MDGA2: variants seen among roughly 807,000 people sequenced by gnomAD.
MDGA2 encodes the protein MAM domain-containing glycosylphosphatidylinositol anchor protein 2.
A neutral mutation model predicts 117.8 loss-of-function variants in MDGA2; 40 were observed. The observed-to-expected ratio is 0.34, with a 90% CI of 0.26 to 0.44. The LOEUF (loss-of-function observed/expected upper bound fraction) is 0.44, where lower values mean the gene tolerates loss of function less well. Ranked by LOEUF, MDGA2 falls within the 20% of genes least tolerant of loss-of-function variation. The pLI is 1.00. For synonymous variants in MDGA2, 452 were observed against 439.0 expected, an observed-to-expected ratio of 1.03 and a Z score of -0.37; for missense variants, 1,123 against 1,250.6, an observed-to-expected ratio of 0.90 and a Z score of 1.54.
chr14:46,958,747 T>C (rs1367639528), intron 8 of MDGA2, among the ~76,000 whole-genome samples: 1 of 152,242 alleles, frequency 6.6e-6, no homozygotes, highest in Admixed American at 6.5e-5. Flanking sequence ...TCCAAACATA[T>C]GGGTAATGTT....
At chr14:47,445,246 T>G (rs1004619464) in intron 1 of MDGA2, among the ~76,000 whole-genome samples, 2 of 152,094 alleles carry the variant, frequency 1.3e-5, no homozygotes, top group African/African-American at 4.8e-5. Flanking sequence ...AGATCAATGT[T>G]GACTATGAGG....
intron 1 of MDGA2, among the ~76,000 whole-genome samples, chr14:47,434,969 G>C (rs34143015): frequency 0.25 from 37,828 of 151,844 alleles, 5,016 homozygotes; most frequent in Middle Eastern, 0.4. Context: ...AAACCTGTCT[G>C]TACTAAAAAT....
chr14:47,474,027 G>C (rs1893784283), intron 1 of MDGA2, among the ~76,000 whole-genome samples: 2 of 152,168 alleles, frequency 1.3e-5, no homozygotes, highest in Non-Finnish European at 2.9e-5. Flanking sequence ...AATAGGAAGA[G>C]AGGAAGTCAA....
At chr14:47,151,318 G>C (rs1883154646) in intron 3 of MDGA2, among the ~76,000 whole-genome samples, 1 of 152,198 alleles carries the variant, frequency 6.6e-6, no homozygotes, top group African/African-American at 2.4e-5. Flanking sequence ...TTCCCACAGT[G>C]AGGTGGCTCT....
In MDGA2 at chr14:47,675,125, T is replaced by C. The variant is rs1363840117; in HGVS notation, c.-329A>G. Among the ~76,000 whole-genome samples, 1 of 151,874 alleles carries C rather than the reference T, an allele frequency of 6.6e-6. No homozygotes were observed. The highest frequency in any genetic ancestry group is 1.5e-5 in the Non-Finnish European group (1 of 67,936). Reference sequence around the variant, plus strand: ...ACCCAGGACACCGAGCAGGGCTCTCTTGCCTGGATTCGCCTTTACAAAGTA... The same window carrying C: ...ACCCAGGACACCGAGCAGGGCTCTCCTGCCTGGATTCGCCTTTACAAAGTA... On this transcript the variant is annotated 5_prime_UTR_variant, in exon 1 of 17. Coordinates refer to ENST00000399232, the MANE Select transcript of MDGA2 (RefSeq NM_001113498.3).
intron 7 of MDGA2, among the ~76,000 whole-genome samples, chr14:47,054,157 C>G (rs1889578794): frequency 6.6e-6 from 1 of 151,946 alleles, no homozygotes; most frequent in Non-Finnish European, 1.5e-5. Flanking sequence ...TGGTACCCTT[C>G]ACACACAATC....
chr14:47,402,005 T>C (rs1892158833), intron 1 of MDGA2, among the ~76,000 whole-genome samples: 2 of 152,208 alleles, frequency 1.3e-5, no homozygotes, highest in East Asian at 1.9e-4. Flanking sequence ...CAATTCCATT[T>C]TGTGGTCAAA....
chr14:47,627,877 C>T (rs768933892), intron 1 of MDGA2, among the ~76,000 whole-genome samples: 2 of 152,166 alleles, frequency 1.3e-5, no homozygotes, highest in South Asian at 2.1e-4. Flanking sequence ...AGCAAGACCA[C>T]GAACCCACCA....
intron 1 of MDGA2, among the ~76,000 whole-genome samples, chr14:47,549,455 T>C (rs1367252679): frequency 6.6e-6 from 1 of 151,818 alleles, no homozygotes; most frequent in Admixed American, 6.6e-5. Flanking sequence ...CCAGAGTCAA[T>C]GGTTTCTCTT....
At chr14:47,208,463 C>A (rs17572886) in intron 3 of MDGA2, among the ~76,000 whole-genome samples, 1 of 151,606 alleles carries the variant, frequency 6.6e-6, no homozygotes, top group South Asian at 2.1e-4. Context: ...AACATCCTCC[C>A]TTTTTTATAT....
At chr14:47,582,203 G>C (rs1257267809) in intron 1 of MDGA2, among the ~76,000 whole-genome samples, 1 of 151,784 alleles carries the variant, frequency 6.6e-6, no homozygotes, top group African/African-American at 2.4e-5. Context: ...TGCTCTTAAA[G>C]GTCTAAGTAG....
chr14:47,411,555 G>A (rs570887972), intron 1 of MDGA2, among the ~76,000 whole-genome samples: 3 of 151,976 alleles, frequency 2.0e-5, no homozygotes, highest in Non-Finnish European at 4.4e-5. Flanking sequence ...GGATCATAAC[G>A]GTTGGCCTTG....
intron 1 of MDGA2, among the ~76,000 whole-genome samples, chr14:47,319,700 CTT>C (rs1030429554): frequency 5.9e-5 from 9 of 152,174 alleles, no homozygotes; most frequent in African/African-American, 2.2e-4. Context: ...TACCTTGAAT[CTT>C]TTGTTTGTTT....
intron 1 of MDGA2, among the ~76,000 whole-genome samples, chr14:47,546,853 T>C (rs1394058229): frequency 6.6e-6 from 1 of 152,184 alleles, no homozygotes; most frequent in African/African-American, 2.4e-5. Flanking sequence ...GTCAGGGAGT[T>C]AAATCTTGTT....
At chr14:47,623,830 AG>A (rs1897094035) in intron 1 of MDGA2, among the ~76,000 whole-genome samples, 1 of 152,244 alleles carries the variant, frequency 6.6e-6, no homozygotes, top group Admixed American at 6.5e-5. Context: ...CAATCTATGC[AG>A]AAAAGTCAGA....
intron 1 of MDGA2, among the ~76,000 whole-genome samples, chr14:47,361,665 T>C (rs900820595): frequency 3.9e-5 from 6 of 152,116 alleles, no homozygotes; most frequent in African/African-American, 1.4e-4. Context: ...GTGGGTTTCC[T>C]TACCCTTAAA....
At chr14:47,222,591 T>A (rs893391674) in intron 2 of MDGA2, among the ~76,000 whole-genome samples, 16 of 152,072 alleles carry the variant, frequency 1.1e-4, no homozygotes, top group African/African-American at 3.9e-4. Flanking sequence ...AAAAATACAA[T>A]AAACATATAA....
At chr14:47,263,285 T>A (rs1887859281) in intron 2 of MDGA2, among the ~76,000 whole-genome samples, 1 of 151,828 alleles carries the variant, frequency 6.6e-6, no homozygotes, top group Non-Finnish European at 1.5e-5. Flanking sequence ...AAATTATAAA[T>A]TGTTATTTTG....
chr14:47,176,287 A>T (rs1333365056), intron 3 of MDGA2, among the ~76,000 whole-genome samples: 7 of 152,040 alleles, frequency 4.6e-5, no homozygotes, highest in African/African-American at 1.2e-4. Flanking sequence ...CTTCACAGAA[A>T]TGAAAAAAAC....
Sources: allele counts gnomAD v4.1 joint callset (sites outside exome capture counted in the v4.1 genomes callset), GRCh38; gene constraint gnomAD v4.1.1; transcripts MANE v1.5; gene names NCBI Gene and HGNC (gene_info 2026-07-23, HGNC 2026-07-21).